Variants in UNC5D observed in about 807,000 individuals in gnomAD.
UNC5D encodes netrin receptor UNC5D.
Under a neutral mutation model 105.4 loss-of-function variants are expected in UNC5D, and 39 were observed. The ratio of observed to expected loss-of-function variants is 0.37; its 90% CI spans 0.29 to 0.48. The LOEUF is 0.48. Among genes scored for constraint, UNC5D ranks in the 20% least tolerant of loss-of-function variants. The pLI, the probability that UNC5D is intolerant of heterozygous loss-of-function variation, is 0.98. For synonymous variants in UNC5D, 452 were observed against 450.4 expected, an observed-to-expected ratio of 1.00 and a Z score of -0.04; for missense variants, 991 against 1,202.4, an observed-to-expected ratio of 0.82 and a Z score of 2.60.
At chr8:35,405,671 T>G (rs1488839673) in intron 1 of UNC5D, among the ~76,000 whole-genome samples, 3 of 152,168 alleles carry the variant, frequency 2.0e-5, no homozygotes, top group Non-Finnish European at 4.4e-5. Flanking sequence ...TTTCTCGGAG[T>G]TGACATTCTC....
chr8:35,425,213 G>T (rs1469917863), intron 1 of UNC5D, among the ~76,000 whole-genome samples: 2 of 152,128 alleles, frequency 1.3e-5, no homozygotes, highest in African/African-American at 2.4e-5. Context: ...AGAAATTGTT[G>T]CTTCTCTTCT....
intron 1 of UNC5D, among the ~76,000 whole-genome samples, chr8:35,311,022 C>T (rs1251121349): frequency 6.6e-6 from 1 of 152,090 alleles, no homozygotes; most frequent in African/African-American, 2.4e-5. Flanking sequence ...ATCACAAAGC[C>T]TAGGAAAGCC....
chr8:35,236,560 A>G (rs961512034), intron 1 of UNC5D, among the ~76,000 whole-genome samples: 4 of 130,720 alleles, frequency 3.1e-5, no homozygotes, highest in Non-Finnish European at 6.7e-5. Context: ...CCCGGCGCCT[A>G]CTCTGGCTTG....
At chr8:35,518,812 G>T (rs1586031692) in intron 1 of UNC5D, among the ~76,000 whole-genome samples, 2 of 152,112 alleles carry the variant, frequency 1.3e-5, no homozygotes, top group Non-Finnish European at 2.9e-5. Flanking sequence ...ATGTAGTAGT[G>T]CACCTCTCTG....
chr8:35,748,995 C>T (rs1200456207), intron 12 of UNC5D, among the ~76,000 whole-genome samples: 3 of 152,150 alleles, frequency 2.0e-5, no homozygotes, highest in Non-Finnish European at 4.4e-5. Context: ...CCCCCTTGGC[C>T]TTGTCTCTGT....
intron 4 of UNC5D, among the ~76,000 whole-genome samples, chr8:35,617,996 C>A (rs1203760606): frequency 6.6e-6 from 1 of 152,196 alleles, no homozygotes; most frequent in Non-Finnish European, 1.5e-5. Flanking sequence ...AGCACTGGCC[C>A]TTGTGAGTTA....
At chr8:35,705,065 A>T (rs1281316056) in intron 7 of UNC5D, among the ~76,000 whole-genome samples, 2 of 151,022 alleles carry the variant, frequency 1.3e-5, no homozygotes, top group Non-Finnish European at 2.9e-5. Context: ...CTGGGTTTCA[A>T]GCCATTCTCC....
At chr8:35,400,685 T>TA (rs1804403106) in intron 1 of UNC5D, among the ~76,000 whole-genome samples, 1 of 152,178 alleles carries the variant, frequency 6.6e-6, no homozygotes, top group Non-Finnish European at 1.5e-5. Flanking sequence ...GTTGATGAAA[T>TA]AAATCTTGAC....
At chr8:35,361,052 G>A (rs1422590892) in intron 1 of UNC5D, among the ~76,000 whole-genome samples, 2 of 152,022 alleles carry the variant, frequency 1.3e-5, no homozygotes, top group Non-Finnish European at 2.9e-5. Context: ...AAATTTAATG[G>A]ATGCCAAAAT....
At chr8:35,658,154 A>G (rs1823886241) in intron 4 of UNC5D, among the ~76,000 whole-genome samples, 1 of 152,212 alleles carries the variant, frequency 6.6e-6, no homozygotes, top group African/African-American at 2.4e-5. Context: ...TGACCTCAAT[A>G]GACTAATGAT....
At chr8:35,465,251 T>C (rs1021653289) in intron 1 of UNC5D, among the ~76,000 whole-genome samples, 2 of 152,138 alleles carry the variant, frequency 1.3e-5, no homozygotes, top group Non-Finnish European at 2.9e-5. Flanking sequence ...AATTAGCCAG[T>C]TGTGGTGGCA....
chr8:35,483,845 G>A (rs921135580), intron 1 of UNC5D, among the ~76,000 whole-genome samples: 1 of 152,142 alleles, frequency 6.6e-6, no homozygotes, highest in African/African-American at 2.4e-5. Flanking sequence ...AGATAAAAAT[G>A]TTTTAATTAT....
At chr8:35,776,232 C>T (rs2131747407) in intron 16 of UNC5D, among the ~76,000 whole-genome samples, 1 of 152,258 alleles carries the variant, frequency 6.6e-6, no homozygotes, top group African/African-American at 2.4e-5. Flanking sequence ...TCTAGAAATG[C>T]AATTGAATCT....
intron 1 of UNC5D, among the ~76,000 whole-genome samples, chr8:35,246,875 C>A (rs563287183): frequency 1.6e-3 from 245 of 152,172 alleles, no homozygotes; most frequent in Non-Finnish European, 2.7e-3. Flanking sequence ...TTATTGAACA[C>A]TGATTTGATC....
chr8:35,733,494 A>C (rs949967257), intron 11 of UNC5D, among the ~76,000 whole-genome samples: 3 of 152,126 alleles, frequency 2.0e-5, no homozygotes, highest in African/African-American at 7.2e-5. Flanking sequence ...ATGGAGCTGG[A>C]ATGCACTGTT....
At chr8:35,378,330 G>A (rs560489056) in intron 1 of UNC5D, among the ~76,000 whole-genome samples, 15 of 152,164 alleles carry the variant, frequency 9.9e-5, no homozygotes, top group South Asian at 8.3e-4. Flanking sequence ...TTGTCTTGCC[G>A]TACTTCCCTG....
chr8:35,441,636 C>T (rs957815652), intron 1 of UNC5D, among the ~76,000 whole-genome samples: 12 of 151,820 alleles, frequency 7.9e-5, no homozygotes, highest in African/African-American at 2.4e-5. Flanking sequence ...GGGTCACTGG[C>T]TTTCAAAGTG....
rs545858648 is a variant in UNC5D at position 35,650,915 on chromosome 8, T to C, written c.571-32632T>C. On this transcript the variant is annotated intron_variant, in intron 4 of 16. Coordinates refer to ENST00000404895, the MANE Select transcript of UNC5D (RefSeq NM_080872.4). Reference sequence around the variant, plus strand: ...GAGATACCTTGTTAAGAAATAGGCATGTCTCATCTGTCCCATTAAGTCCTT... The same window carrying C: ...GAGATACCTTGTTAAGAAATAGGCACGTCTCATCTGTCCCATTAAGTCCTT... 4.6e-5 allele frequency among the ~76,000 whole-genome samples: 7 copies of C among 152,336 alleles called. No homozygotes were observed. In the South Asian group the frequency reaches 1.4e-3, roughly 32 times the overall value.
intron 3 of UNC5D, among the ~76,000 whole-genome samples, chr8:35,570,250 G>A (rs1485463649): frequency 1.3e-5 from 2 of 152,138 alleles, no homozygotes; most frequent in African/African-American, 2.4e-5. Context: ...CACATGCGTC[G>A]CATGGGGAGG....
Sources: gnomAD v4.1 joint callset for allele counts (sites outside exome capture counted in the v4.1 genomes callset) on GRCh38, gnomAD v4.1.1 for gene constraint, MANE v1.5 for transcripts, NCBI Gene and HGNC (gene_info 2026-07-23, HGNC 2026-07-21) for gene names.